Variants in CSMD2 observed in about 807,000 individuals in gnomAD.
CSMD2 encodes CUB and sushi domain-containing protein 2.
A neutral mutation model predicts 398.5 loss-of-function variants in CSMD2; 130 were observed. The ratio of observed to expected loss-of-function variants is 0.33; its 90% CI spans 0.28 to 0.38. The LOEUF is 0.38. CSMD2 is among the 10% of genes least tolerant of loss of function. CSMD2 has a pLI of 1.00. For synonymous variants in CSMD2, 1,828 were observed against 1,908.5 expected (o/e 0.96, Z 1.10); for missense variants, 3,829 against 4,764.9 (o/e 0.80, Z 5.78).
rs1169944775 is a variant in CSMD2, at chr1:33,523,545, C to T, written c.10397-126G>A. ...GTGTAGATGTTGATATAAACATTCT[C>T]CACATCCCTTTAAGTCGTAAGTGTA... On this transcript the variant is annotated intron_variant, in intron 66 of 70. Coordinates refer to ENST00000373381, the MANE Select transcript of CSMD2 (RefSeq NM_001281956.2). 17 of 613,472 alleles carry T rather than the reference C, an allele frequency of 2.8e-5. No individual in the cohort carries two copies. In the South Asian group the frequency reaches 3.1e-4, roughly 11 times the overall value. The allele number at this position is 613,472 out of a possible 1,614,324, so 38.0% of individuals were successfully genotyped here.
intron 12 of CSMD2, among the ~76,000 whole-genome samples, chr1:33,774,619 C>A (rs1459899981): frequency 6.6e-6 from 1 of 152,292 alleles, no homozygotes; most frequent in African/African-American, 2.4e-5. Flanking sequence ...ATCCTTCCTG[C>A]TGCCAGGGGC....
rs77856276 is a variant in CSMD2, at chr1:33,783,491, C to T, written c.1663+5109G>A. Among the ~76,000 whole-genome samples, 458 of 150,566 alleles carry T rather than the reference C, an allele frequency of 3.0e-3. 3 individuals carry two copies. Among genetic ancestry groups the T allele is most frequent in the African/African-American group, 0.01 (415 of 40,598 alleles). On this transcript the variant is annotated intron_variant, in intron 12 of 70. Transcript: ENST00000373381. Reference sequence around the variant, plus strand: ...TCTCTCTCTCCTGTGTGTGCATGCACCCAGGAAAGCCCATGCAAGGCCATG... The same window carrying T: ...TCTCTCTCTCCTGTGTGTGCATGCATCCAGGAAAGCCCATGCAAGGCCATG...
intron 21 of CSMD2, among the ~76,000 whole-genome samples, chr1:33,712,510 A>G (rs570162840): frequency 3.6e-4 from 55 of 152,360 alleles, no homozygotes; most frequent in African/African-American, 1.3e-3. Flanking sequence ...GGTGGTAATT[A>G]GAGGTGACTA....
chr1:33,520,665 G>A (rs1008055729), intron 68 of CSMD2, among the ~76,000 whole-genome samples: 1 of 152,228 alleles, frequency 6.6e-6, no homozygotes. Flanking sequence ...GAGGAGCAGT[G>A]TGGGTGGGAA....
intron 10 of CSMD2, among the ~76,000 whole-genome samples, chr1:33,803,701 C>T (rs1203177739): frequency 6.6e-6 from 1 of 152,238 alleles, no homozygotes; most frequent in Admixed American, 6.5e-5. Flanking sequence ...TTTCCAAAGC[C>T]TTGGTGGATG....
intron 3 of CSMD2, among the ~76,000 whole-genome samples, chr1:33,954,371 G>A (rs903508882): frequency 3.9e-5 from 6 of 151,984 alleles, no homozygotes; most frequent in African/African-American, 1.5e-4. Flanking sequence ...TGGAGGCCAA[G>A]TGAGGGGTAT....
chr1:34,140,332 C>A (rs185069259), intron 1 of CSMD2, among the ~76,000 whole-genome samples: 2 of 70,646 alleles, frequency 2.8e-5, no homozygotes, highest in African/African-American at 5.2e-5. Context: ...AAAAACCCAG[C>A]GGCAGAAGAA....
chr1:34,105,357 G>A (rs943266768), intron 1 of CSMD2, among the ~76,000 whole-genome samples: 2 of 152,172 alleles, frequency 1.3e-5, no homozygotes, highest in Non-Finnish European at 2.9e-5. Flanking sequence ...TCCAGATATT[G>A]CCAAATGTCC....
At chr1:34,058,905 G>A (rs2148252883) in intron 2 of CSMD2, among the ~76,000 whole-genome samples, 1 of 152,256 alleles carries the variant, frequency 6.6e-6, no homozygotes, top group South Asian at 2.1e-4. Context: ...AACTAGCCTT[G>A]AACCTTGGGT....
At position 33,624,536 on chromosome 1, in the gene CSMD2, C is replaced by T. The variant is rs779690255; in HGVS notation, c.5608G>A (p.Glu1870Lys). The change falls in exon 35 of 71, where the codon GAA (glutamate) becomes AAA (lysine). Residue 1870 changes from glutamate (E) to lysine (K), a missense_variant. Around this residue, in one of 5 missense-constraint regions of CSMD2, gnomAD observed 2,001 missense variants for 2,567.1 expected, o/e 0.78. Coordinates refer to ENST00000373381, the MANE Select transcript of CSMD2 (RefSeq NM_001281956.2). The surrounding 1 kb of genome is among the most constrained non-coding windows in gnomAD (Gnocchi z 4.7). ...LNCVWKIVVP[E>K]GAGIQIQVVS... The stretch of plus-strand genomic sequence containing the variant: ...GCCCCTACCTGGATGCCAGCGCCTT[C>T]GGGGACCACGATCTTCCACACACAG... 3.7e-6 allele frequency: 6 copies of T among 1,613,758 alleles called. No individual in the cohort carries two copies. In the African/African-American group the frequency reaches 6.7e-5, roughly 18 times the overall value.
At chr1:33,879,746 C>G (rs1179840829) in intron 5 of CSMD2, among the ~76,000 whole-genome samples, 1 of 152,192 alleles carries the variant, frequency 6.6e-6, no homozygotes, top group Non-Finnish European at 1.5e-5. Flanking sequence ...ACTGTATGAA[C>G]TTGGCAAGTT....
chr1:33,889,429 G>T (rs1341581641), intron 5 of CSMD2, among the ~76,000 whole-genome samples: 3 of 152,148 alleles, frequency 2.0e-5, no homozygotes, highest in Admixed American at 2.0e-4. Flanking sequence ...GTTATACATG[G>T]TTGATGGAAA....
At chr1:33,704,746 T>A (rs1354724390) in intron 22 of CSMD2, among the ~76,000 whole-genome samples, 1 of 152,160 alleles carries the variant, frequency 6.6e-6, no homozygotes, top group East Asian at 1.9e-4. Flanking sequence ...GAATCAAACC[T>A]ACTTGGTCGT....
rs745911041 is a variant in CSMD2 at position 33,605,519 on chromosome 1, A to G, written c.6344-49T>C. On this transcript the variant is annotated intron_variant, in intron 41 of 70. Transcript: ENST00000373381. ...TCACTTTATTCTCTCTGACCAGAAA[A>G]TAGGAGCGGCAGAAAGCATAGTGGT... The G allele has an allele frequency of 1.8e-5, 29 of 1,582,814 alleles. No homozygotes were observed. In the African/African-American group the frequency reaches 3.9e-4, roughly 21 times the overall value.
intron 1 of CSMD2, among the ~76,000 whole-genome samples, chr1:34,150,829 AG>A (rs1640245057): frequency 1.3e-5 from 2 of 152,330 alleles, no homozygotes. Flanking sequence ...CTGAAGCAGG[AG>A]GATCACTTGA....
chr1:34,107,046 T>A (rs1277974051), intron 1 of CSMD2, among the ~76,000 whole-genome samples: 1 of 152,144 alleles, frequency 6.6e-6, no homozygotes, highest in Non-Finnish European at 1.5e-5. Flanking sequence ...ATTCTTATTA[T>A]GCCACAGCCC....
Position 33,762,622 on chromosome 1 carries a change from G to C in CSMD2, c.1846+9947C>G, listed in dbSNP as rs1649971381. On this transcript the variant is annotated intron_variant, in intron 13 of 70. Transcript: ENST00000373381. Reference sequence around the variant, plus strand: ...TTGGACAGATTCCTGGGTTGGATTGGACTGAAATTTTTGCCTGTGCTACAA... The same window carrying C: ...TTGGACAGATTCCTGGGTTGGATTGCACTGAAATTTTTGCCTGTGCTACAA... 2.0e-5 allele frequency among the ~76,000 whole-genome samples: 3 copies of C among 152,148 alleles called. No homozygotes were observed. The South Asian group carries it at 6.2e-4, about 31-fold the overall frequency.
rs115702452 is a variant in CSMD2 at position 33,684,833 on chromosome 1, C to T, written c.4052+8097G>A. Among the ~76,000 whole-genome samples, 573 of 152,328 alleles carry T rather than the reference C, an allele frequency of 3.8e-3. 2 individuals carry two copies. The highest frequency in any genetic ancestry group is 0.013 in the African/African-American group (548 of 41,566). On this transcript the variant is annotated intron_variant, in intron 25 of 70. Transcript: ENST00000373381. The stretch of plus-strand genomic sequence containing the variant: ...GCCATACAGAATTATGATCTGTCCT[C>T]GCAGACACTTTTCTATTGTGTTTCG...
At chr1:33,657,817 T>G in intron 27 of CSMD2, 129 bp downstream of exon 27, 1 of 886,330 alleles carries the variant, frequency 1.1e-6, no homozygotes, top group Non-Finnish European at 1.7e-6. Context: ...AACAATGGGT[T>G]TTCTGCAACT....
Sources: allele counts gnomAD v4.1 joint callset (sites outside exome capture counted in the v4.1 genomes callset), GRCh38; gene constraint gnomAD v4.1.1; regional missense constraint gnomAD v4.1.1; non-coding constraint Gnocchi (gnomAD v3.1); transcripts MANE v1.5; gene names NCBI Gene and HGNC (gene_info 2026-07-23, HGNC 2026-07-21).